Variants in CLASP1 observed in about 807,000 individuals in gnomAD.
CLASP1 encodes the protein CLIP-associating protein 1.
In CLASP1, 38 loss-of-function variants were observed where a neutral mutation model predicts 192.3. The ratio of observed to expected loss-of-function variants is 0.20; its 90% CI spans 0.15 to 0.26. CLASP1 has a LOEUF of 0.26. Among genes scored for constraint, CLASP1 ranks in the 10% least tolerant of loss-of-function variants. CLASP1 has a pLI of 1.00. For missense variants in CLASP1, 1,433 were observed against 1,932.5 expected, an observed-to-expected ratio of 0.74 and a Z score of 4.85; for synonymous variants, 691 against 712.8, an observed-to-expected ratio of 0.97 and a Z score of 0.49.
chr2:121,589,227 A>AT (rs1223163045), intron 2 of CLASP1, among the ~76,000 whole-genome samples: 1 of 152,208 alleles, frequency 6.6e-6, no homozygotes, highest in East Asian at 1.9e-4. Context: ...ATTACTGACC[A>AT]TCATTTTCTT....
intron 30 of CLASP1, among the ~76,000 whole-genome samples, chr2:121,392,121 C>T (rs748039473): frequency 8.5e-5 from 13 of 152,196 alleles, no homozygotes; most frequent in East Asian, 1.9e-4. Context: ...TAGGTTTCTT[C>T]GCCACGCCTT....
intron 2 of CLASP1, among the ~76,000 whole-genome samples, chr2:121,557,213 T>C (rs892992199): frequency 6.6e-6 from 1 of 152,350 alleles, no homozygotes; most frequent in South Asian, 2.1e-4. Context: ...TCAGTTCAGA[T>C]GATAAGTTTT....
At chr2:121,410,384 A>G (rs1019901554) in intron 24 of CLASP1, among the ~76,000 whole-genome samples, 9 of 152,210 alleles carry the variant, frequency 5.9e-5, no homozygotes, top group African/African-American at 1.9e-4. Context: ...TTTAGGAAAA[A>G]CAACATAAAA....
intron 22 of CLASP1, among the ~76,000 whole-genome samples, chr2:121,419,833 G>C (rs990348441): frequency 6.6e-6 from 1 of 152,028 alleles, no homozygotes; most frequent in African/African-American, 2.4e-5. Context: ...CTGAGAGGAT[G>C]GACTGGAAAA....
At chr2:121,485,359 G>T (rs2092901091) in intron 8 of CLASP1, among the ~76,000 whole-genome samples, 1 of 152,204 alleles carries the variant, frequency 6.6e-6, no homozygotes, top group Non-Finnish European at 1.5e-5. Flanking sequence ...TTTACCCTGT[G>T]GGTCTACCCT....
At chr2:121,480,536 C>T (rs1440934901) in intron 8 of CLASP1, among the ~76,000 whole-genome samples, 2 of 152,222 alleles carry the variant, frequency 1.3e-5, no homozygotes, top group African/African-American at 4.8e-5. Context: ...TGAGCCTGTC[C>T]TGGGGCAGAG....
chr2:121,498,556 T>C (rs1274021988), intron 8 of CLASP1, among the ~76,000 whole-genome samples: 1 of 152,154 alleles, frequency 6.6e-6, no homozygotes, highest in Non-Finnish European at 1.5e-5. Flanking sequence ...AATAAACAGA[T>C]AAATTGGACT....
intron 8 of CLASP1, among the ~76,000 whole-genome samples, chr2:121,498,958 C>A (rs1050830220): frequency 6.6e-6 from 1 of 152,194 alleles, no homozygotes; most frequent in Non-Finnish European, 1.5e-5. Flanking sequence ...GAAACTCTTA[C>A]AGGTTGCTGG....
intron 8 of CLASP1, among the ~76,000 whole-genome samples, chr2:121,498,004 C>T (rs572901045): frequency 3.9e-5 from 6 of 152,218 alleles, no homozygotes; most frequent in Non-Finnish European, 7.4e-5. Context: ...GGATTACAGG[C>T]GCACACCGCC....
chr2:121,455,241 T>C (rs878902688), intron 14 of CLASP1, among the ~76,000 whole-genome samples: 1 of 152,220 alleles, frequency 6.6e-6, no homozygotes, highest in Non-Finnish European at 1.5e-5. Context: ...ATTATTCTTC[T>C]TTTCTCTTTT....
At chr2:121,567,882 T>C (rs2059642917) in intron 2 of CLASP1, among the ~76,000 whole-genome samples, 1 of 152,242 alleles carries the variant, frequency 6.6e-6, no homozygotes, top group Non-Finnish European at 1.5e-5. Flanking sequence ...TTATCTTGGC[T>C]AAGAAGTTAT....
intron 19 of CLASP1, among the ~76,000 whole-genome samples, chr2:121,434,443 TC>T: frequency 6.6e-6 from 1 of 152,016 alleles, no homozygotes; most frequent in African/African-American, 2.4e-5. Context: ...TTTTAAATTT[TC>T]TGTAGAGATG....
intron 2 of CLASP1, among the ~76,000 whole-genome samples, chr2:121,583,682 G>A (rs1340847000): frequency 1.3e-5 from 2 of 152,072 alleles, no homozygotes; most frequent in Non-Finnish European, 2.9e-5. Context: ...CCCCTTTCAA[G>A]TCCATTCCTG....
rs761378692 is a variant in CLASP1 at position 121,492,389 on chromosome 2, CAAAAAAAAAA to C, written c.712+10768_712+10777del. On this transcript the variant is annotated intron_variant, in intron 8 of 39. Coordinates refer to ENST00000263710, the Ensembl canonical transcript of CLASP1. ...GGGCGACAGAGCGAGACTCCCTCTCCAAAAAAAAAAAAAAAAAAAAAAAAAGTGAAAAGAT... is the reference window on the plus strand; with the variant it reads ...GGGCGACAGAGCGAGACTCCCTCTCCAAAAAAAAAAAAAAAGTGAAAAGAT... Among the ~76,000 whole-genome samples, 6 of 37,924 alleles carry C rather than the reference CAAAAAAAAAA, an allele frequency of 1.6e-4. No homozygotes were observed. The East Asian group carries it at 2.6e-3, about 16-fold the overall frequency. 24.9% of individuals were successfully genotyped at this position (37,924 alleles called of 152,430 possible).
intron 39 of CLASP1, among the ~76,000 whole-genome samples, chr2:121,341,648 G>A (rs2062801092): frequency 6.6e-6 from 1 of 152,136 alleles, no homozygotes; most frequent in African/African-American, 2.4e-5. Context: ...ACTAATATCA[G>A]ACAAAACAGA....
intron 1 of CLASP1, among the ~76,000 whole-genome samples, chr2:121,644,546 T>A (rs565857636): frequency 6.6e-6 from 1 of 152,206 alleles, no homozygotes; most frequent in South Asian, 2.1e-4. Flanking sequence ...CCCAAGCTAC[T>A]CAGGAGGCTG....
At chr2:121,373,290 G>C (rs2069175011) in intron 34 of CLASP1, among the ~76,000 whole-genome samples, 1 of 152,198 alleles carries the variant, frequency 6.6e-6, no homozygotes, top group African/African-American at 2.4e-5. Flanking sequence ...TGCCATGATT[G>C]TAAGTTTCCT....
At chr2:121,470,649 CT>C (rs565016477) in intron 8 of CLASP1, 17 of 451,740 alleles carry the variant, frequency 3.8e-5, no homozygotes, top group South Asian at 7.9e-5. Flanking sequence ...CTTTCCTACA[CT>C]TTTTTTTGTT....
chr2:121,469,526 T>C (rs2090287309), intron 9 of CLASP1, among the ~76,000 whole-genome samples: 1 of 152,210 alleles, frequency 6.6e-6, no homozygotes, highest in South Asian at 2.1e-4. Flanking sequence ...GCGCTCTTGC[T>C]CTTATCTCTG....
Sources: allele counts gnomAD v4.1 joint callset (sites outside exome capture counted in the v4.1 genomes callset), GRCh38; gene constraint gnomAD v4.1.1; transcripts MANE v1.5; gene names NCBI Gene and HGNC (gene_info 2026-07-23, HGNC 2026-07-21).